Variants in NTM observed in about 807,000 individuals in gnomAD.
The protein encoded by NTM is neurotrimin.
NTM carries 13 observed loss-of-function variants against 42.1 expected under a neutral mutation model. The observed-to-expected ratio is 0.31, with a 90% CI of 0.20 to 0.49. The LOEUF (loss-of-function observed/expected upper bound fraction) is 0.49, where lower values mean the gene tolerates loss of function less well. Among genes scored for constraint, NTM ranks in the 20% least tolerant of loss-of-function variants. The pLI, the probability that NTM is intolerant of heterozygous loss-of-function variation, is 0.99. For synonymous variants in NTM, 187 were observed against 179.2 expected (o/e 1.04, Z -0.35); for missense variants, 373 against 452.8 (o/e 0.82, Z 1.60).
intron 1 of NTM, among the ~76,000 whole-genome samples, chr11:131,577,575 A>G (rs1169462098): frequency 1.3e-5 from 2 of 152,264 alleles, no homozygotes; most frequent in African/African-American, 4.8e-5. Flanking sequence ...GATCTAAAAT[A>G]GGACATTATT....
chr11:132,308,463 A>G (rs2095171098), intron 5 of NTM, among the ~76,000 whole-genome samples: 1 of 152,124 alleles, frequency 6.6e-6, no homozygotes, highest in African/African-American at 2.4e-5. Flanking sequence ...TCTGACATCA[A>G]TCCTACTTGA....
At chr11:131,902,164 T>A (rs981745701) in intron 1 of NTM, among the ~76,000 whole-genome samples, 3 of 152,198 alleles carry the variant, frequency 2.0e-5, no homozygotes, top group Non-Finnish European at 4.4e-5. Flanking sequence ...TAAGAGTCAA[T>A]AAGTTTGTCA....
At position 132,307,675 on chromosome 11, in the gene NTM, C is replaced by A; in HGVS notation, c.527-14C>A. On this transcript the variant is annotated splice_polypyrimidine_tract_variant and intron_variant, in intron 4 of 8. Coordinates refer to ENST00000683400, the MANE Select transcript of NTM (RefSeq NM_001352005.2). ...TTCCTTGTATTTCACCACACGTTAC[C>A]GGTTTTCCCGCAGCGGTTGGCTTTG... The A allele has an allele frequency of 6.2e-7, 1 of 1,613,814 alleles. No individual in the cohort carries two copies.
intron 1 of NTM, among the ~76,000 whole-genome samples, chr11:131,462,233 G>A (rs1385200059): frequency 2.0e-5 from 3 of 152,198 alleles, no homozygotes; most frequent in Non-Finnish European, 4.4e-5. Context: ...AACAGATCGG[G>A]TCTGGGGTTG....
At chr11:131,717,415 T>C (rs2077824986) in intron 1 of NTM, among the ~76,000 whole-genome samples, 1 of 152,198 alleles carries the variant, frequency 6.6e-6, no homozygotes. Flanking sequence ...CACTGCAATT[T>C]TGTAGCCTTC....
rs532963831 is a variant in NTM, at chr11:131,945,969, C to G, written c.167+34321C>G. ...TGCCTGGTCCGTAGCAGGGTGCAGG[C>G]TGATGGATTGAATGTATCTATACAT... On this transcript the variant is annotated intron_variant, in intron 2 of 8. Coordinates refer to ENST00000683400, the MANE Select transcript of NTM (RefSeq NM_001352005.2). Among the ~76,000 whole-genome samples, 48 of 152,256 alleles carry G rather than the reference C, an allele frequency of 3.2e-4. 1 individual carries two copies. The East Asian group carries it at 8.3e-3, about 26-fold the overall frequency.
At chr11:132,222,964 T>C (rs1233551047) in intron 4 of NTM, among the ~76,000 whole-genome samples, 2 of 152,202 alleles carry the variant, frequency 1.3e-5, no homozygotes, top group Admixed American at 6.5e-5. Context: ...GAGTTGACTG[T>C]GGTTGAAGAT....
intron 1 of NTM, among the ~76,000 whole-genome samples, chr11:131,601,442 A>G (rs1044990321): frequency 6.6e-6 from 1 of 152,248 alleles, no homozygotes; most frequent in Non-Finnish European, 1.5e-5. Flanking sequence ...ATCACATCAT[A>G]GTTTTAAACA....
chr11:131,975,740 C>T (rs200804094), intron 2 of NTM, among the ~76,000 whole-genome samples: 2 of 152,022 alleles, frequency 1.3e-5, no homozygotes, highest in Non-Finnish European at 2.9e-5. Context: ...GGGTTGGATT[C>T]GAGAGTCCTC....
At chr11:131,513,102 C>T (rs1467832422) in intron 1 of NTM, among the ~76,000 whole-genome samples, 1 of 152,236 alleles carries the variant, frequency 6.6e-6, no homozygotes, top group Non-Finnish European at 1.5e-5. Flanking sequence ...AGGAAGGCTC[C>T]ATGGCTCCCC....
At chr11:131,953,319 G>T (rs759126629) in intron 2 of NTM, among the ~76,000 whole-genome samples, 5 of 152,066 alleles carry the variant, frequency 3.3e-5, no homozygotes, top group Admixed American at 6.6e-5. Flanking sequence ...CTAAAATTGA[G>T]ATCTATCCTC....
intron 7 of NTM, 140 bp from the exon 8 acceptor site, chr11:132,330,013 A>G (rs1272001284): frequency 7.3e-7 from 1 of 1,370,670 alleles, no homozygotes; most frequent in African/African-American, 1.5e-5. Flanking sequence ...AGTGGTCAGG[A>G]CAGCAAGGGA....
chr11:132,036,040 T>TAACTC, intron 2 of NTM, among the ~76,000 whole-genome samples: 1 of 152,238 alleles, frequency 6.6e-6, no homozygotes, highest in South Asian at 2.1e-4. Flanking sequence ...TACCATGTAA[T>TAACTC]TACAGAGTTA....
intron 2 of NTM, among the ~76,000 whole-genome samples, chr11:131,986,920 A>G (rs1366479011): frequency 2.0e-5 from 3 of 152,230 alleles, no homozygotes; most frequent in African/African-American, 7.2e-5. Flanking sequence ...ACACAACTCC[A>G]ACATAATTAT....
intron 2 of NTM, among the ~76,000 whole-genome samples, chr11:132,019,645 C>T (rs80175827): frequency 6.6e-6 from 1 of 151,718 alleles, no homozygotes; most frequent in African/African-American, 2.4e-5. Flanking sequence ...AATTTACATG[C>T]CTTCTTTCTT....
At position 132,101,040 on chromosome 11, in the gene NTM, G is replaced by A. The variant is rs908144776; in HGVS notation, c.168-45242G>A. ...TAAAATGGTCAGGGAAATGAAAGCA[G>A]ACCTGTTGTCTCCAATCCACTAAAT... On this transcript the variant is annotated intron_variant, in intron 2 of 8. Transcript: ENST00000683400. Among the ~76,000 whole-genome samples, 7 of 152,200 alleles carry A rather than the reference G, an allele frequency of 4.6e-5. No individual in the cohort carries two copies. The South Asian group carries it at 6.2e-4, about 14-fold the overall frequency.
Position 132,067,355 on chromosome 11 carries a change from A to G in NTM, c.168-78927A>G, listed in dbSNP as rs1181005547. ...AAATACATTTTCCCCATACCAACAT[A>G]CTGCCAAATTTCAGCCTGTTACAGC... On this transcript the variant is annotated intron_variant, in intron 2 of 8. Coordinates refer to ENST00000683400, the MANE Select transcript of NTM (RefSeq NM_001352005.2). 2.0e-5 allele frequency among the ~76,000 whole-genome samples: 3 copies of G among 152,130 alleles called. No individual in the cohort carries two copies. The East Asian group carries it at 5.8e-4, about 29-fold the overall frequency.
At chr11:132,168,369 C>G (rs2075608149) in intron 3 of NTM, among the ~76,000 whole-genome samples, 1 of 152,176 alleles carries the variant, frequency 6.6e-6, no homozygotes, top group African/African-American at 2.4e-5. Flanking sequence ...TGACTTGGTC[C>G]ATTTGCCTCT....
chr11:131,630,164 C>A (rs946722566), intron 1 of NTM, among the ~76,000 whole-genome samples: 1 of 152,098 alleles, frequency 6.6e-6, no homozygotes, highest in Non-Finnish European at 1.5e-5. Flanking sequence ...GAGGTCGGGC[C>A]ATGGTCTATT....
Sources: gnomAD v4.1 joint callset for allele counts (sites outside exome capture counted in the v4.1 genomes callset) on GRCh38, gnomAD v4.1.1 for gene constraint, MANE v1.5 for transcripts, NCBI Gene and HGNC (gene_info 2026-07-23, HGNC 2026-07-21) for gene names.